Variants in SORCS1 observed in about 807,000 individuals in gnomAD.
SORCS1 encodes sortilin related VPS10 domain containing receptor 1, also known as VPS10 domain-containing receptor SorCS1.
SORCS1 carries 60 observed loss-of-function variants against 146.1 expected under a neutral mutation model. The ratio of observed to expected loss-of-function variants is 0.41; its 90% CI spans 0.33 to 0.51. SORCS1 has a LOEUF of 0.51. Among genes scored for constraint, SORCS1 ranks in the 20% least tolerant of loss-of-function variants. SORCS1 has a pLI of 0.21. For synonymous variants in SORCS1, 637 were observed against 584.0 expected (o/e 1.09, Z -1.31); for missense variants, 1,352 against 1,487.6 (o/e 0.91, Z 1.50).
intron 2 of SORCS1, among the ~76,000 whole-genome samples, chr10:106,902,698 G>T (rs569479125): frequency 2.6e-4 from 39 of 152,260 alleles, no homozygotes; most frequent in Non-Finnish European, 5.1e-4. Flanking sequence ...ATATTTACAT[G>T]AAGTTATTTT....
chr10:106,962,303 C>T (rs1255360000), intron 1 of SORCS1, among the ~76,000 whole-genome samples: 2 of 137,378 alleles, frequency 1.5e-5, no homozygotes, highest in African/African-American at 5.5e-5. Flanking sequence ...GAGGCTGAGG[C>T]AGAATTGCTT....
intron 25 of SORCS1, chr10:106,578,655 C>T (rs958929943): frequency 2.0e-6 from 2 of 1,000,230 alleles, no homozygotes; most frequent in African/African-American, 3.5e-5. Context: ...GTTTGCCCTC[C>T]TTAAGAGCTG....
intron 1 of SORCS1, among the ~76,000 whole-genome samples, chr10:107,153,821 A>AAATG (rs1969041456): frequency 1.3e-5 from 2 of 152,148 alleles, no homozygotes; most frequent in African/African-American, 4.8e-5. Flanking sequence ...ATTTATTAAG[A>AAATG]AATGACAAAA....
At chr10:107,059,450 G>T (rs1029761275) in intron 1 of SORCS1, among the ~76,000 whole-genome samples, 2 of 152,116 alleles carry the variant, frequency 1.3e-5, no homozygotes, top group African/African-American at 4.8e-5. Context: ...ACTGTTTAAA[G>T]GCATTATCTC....
At chr10:106,935,144 A>G (rs1308065464) in intron 2 of SORCS1, among the ~76,000 whole-genome samples, 1 of 152,128 alleles carries the variant, frequency 6.6e-6, no homozygotes, top group Non-Finnish European at 1.5e-5. Context: ...GGAAACTGAG[A>G]CTCAGAAGCA....
chr10:107,022,914 A>G lies in SORCS1; in HGVS notation c.559-66334T>C, dbSNP rs554953400. On this transcript the variant is annotated intron_variant, in intron 1 of 25. Transcript: ENST00000263054. ...TGGGTAATCCTCCCTCTGCTACAGCACAACACACTTGAGGCACTTTTCAAT... is the reference window on the plus strand; with the variant it reads ...TGGGTAATCCTCCCTCTGCTACAGCGCAACACACTTGAGGCACTTTTCAAT... Among the ~76,000 whole-genome samples, 11 of 152,236 alleles carry G rather than the reference A, an allele frequency of 7.2e-5. 1 individual carries two copies. The highest frequency in any genetic ancestry group is 1.3e-4 in the Non-Finnish European group (9 of 68,046).
At chr10:106,798,319 A>G (rs956840790) in intron 3 of SORCS1, among the ~76,000 whole-genome samples, 1 of 152,136 alleles carries the variant, frequency 6.6e-6, no homozygotes, top group Admixed American at 6.5e-5. Context: ...TTTAAGTTCT[A>G]TGGTACATGT....
chr10:106,884,803 A>T (rs1015067609), intron 2 of SORCS1, among the ~76,000 whole-genome samples: 4 of 152,196 alleles, frequency 2.6e-5, no homozygotes, highest in African/African-American at 4.8e-5. Context: ...ATTTTTTTTC[A>T]TACTAAAAAG....
At chr10:106,973,508 T>G (rs2139244472) in intron 1 of SORCS1, among the ~76,000 whole-genome samples, 2 of 152,280 alleles carry the variant, frequency 1.3e-5, no homozygotes, top group Middle Eastern at 3.4e-3. Context: ...AAAGAGCCAC[T>G]GTTCACAACA....
intron 3 of SORCS1, among the ~76,000 whole-genome samples, chr10:106,796,677 G>C (rs954330521): frequency 6.6e-6 from 1 of 152,194 alleles, no homozygotes; most frequent in Admixed American, 6.5e-5. Context: ...GGGAGAAAGA[G>C]AGCGAGCAGA....
chr10:106,941,957 A>C, intron 2 of SORCS1, among the ~76,000 whole-genome samples: 1 of 152,178 alleles, frequency 6.6e-6, no homozygotes, highest in East Asian at 1.9e-4. Flanking sequence ...TGTTCCCCAA[A>C]GGTGTGGAGG....
chr10:106,579,041 A>G (rs778534686), intron 25 of SORCS1: 4 of 1,602,886 alleles, frequency 2.5e-6, no homozygotes, highest in Non-Finnish European at 3.4e-6. Flanking sequence ...AGAGAGAGTC[A>G]GCCATTGCCT....
At chr10:106,915,967 A>G (rs1952404580) in intron 2 of SORCS1, among the ~76,000 whole-genome samples, 1 of 152,210 alleles carries the variant, frequency 6.6e-6, no homozygotes, top group Non-Finnish European at 1.5e-5. Flanking sequence ...ATTGCTTGCA[A>G]TGAAAGGTAT....
intron 1 of SORCS1, among the ~76,000 whole-genome samples, chr10:107,030,688 CA>C (rs1958609033): frequency 6.6e-6 from 1 of 152,194 alleles, no homozygotes; most frequent in African/African-American, 2.4e-5. Context: ...AAACTTTTCT[CA>C]ATTAATACAA....
chr10:106,732,363 C>T (rs1249030616), intron 5 of SORCS1, among the ~76,000 whole-genome samples: 1 of 152,164 alleles, frequency 6.6e-6, no homozygotes, highest in Non-Finnish European at 1.5e-5. Flanking sequence ...GACTACTAGG[C>T]TTTGGGTGGT....
chr10:106,589,062 A>G (rs781430031), intron 24 of SORCS1, among the ~76,000 whole-genome samples: 23 of 152,056 alleles, frequency 1.5e-4, no homozygotes, highest in Non-Finnish European at 3.4e-4. Context: ...TTTTCTAACT[A>G]TGGGGCAGGG....
intron 3 of SORCS1, among the ~76,000 whole-genome samples, chr10:106,804,965 C>G (rs945096940): frequency 6.6e-6 from 1 of 151,980 alleles, no homozygotes. Flanking sequence ...TTCACTGATG[C>G]CCTAAGATTA....
intron 3 of SORCS1, among the ~76,000 whole-genome samples, chr10:106,802,479 G>A (rs566002360): frequency 2.0e-5 from 3 of 150,504 alleles, no homozygotes; most frequent in Non-Finnish European, 2.9e-5. Context: ...TTACAGACAT[G>A]AGCCACTAAA....
At chr10:106,630,144 C>T (rs1181571188) in intron 18 of SORCS1, among the ~76,000 whole-genome samples, 1 of 152,198 alleles carries the variant, frequency 6.6e-6, no homozygotes, top group Non-Finnish European at 1.5e-5. Flanking sequence ...GACCACCCCT[C>T]AACCTGAATA....
Sources: allele counts gnomAD v4.1 joint callset (sites outside exome capture counted in the v4.1 genomes callset), GRCh38; gene constraint gnomAD v4.1.1; transcripts MANE v1.5; gene names NCBI Gene and HGNC (gene_info 2026-07-23, HGNC 2026-07-21).